Variants in SLC25A35 observed in about 807,000 individuals in gnomAD.
SLC25A35 encodes solute carrier family 25, member 35.
Under a neutral mutation model 30.5 loss-of-function variants are expected in SLC25A35, and 32 were observed. That is an observed-to-expected ratio of 1.05 (90% CI 0.79 to 1.41). SLC25A35 has a LOEUF of 1.41. Among genes scored for constraint, SLC25A35 ranks in the 40% most tolerant of loss-of-function variants. The probability of loss-of-function intolerance (pLI) is 0.00; values close to 1 mark genes in which losing one functional copy is unlikely to be tolerated. For synonymous variants in SLC25A35, 142 were observed against 158.1 expected (o/e 0.90, Z 0.77); for missense variants, 369 against 388.0 (o/e 0.95, Z 0.41).
chr17:8,292,441 T>A, intron 2 of SLC25A35, 82 bp downstream of exon 2: 1 of 1,360,272 alleles, frequency 7.4e-7, no homozygotes, highest in Non-Finnish European at 1.1e-6. Context: ...GTGGCTGGGA[T>A]TGGATCTGTT....
At position 8,292,549 on chromosome 17, in the gene SLC25A35, C is replaced by A; in HGVS notation, c.415G>T (p.Ala139Ser). Residue 139 changes from alanine (A) to serine (S), a missense_variant, in exon 2 of 5, where the codon GCT (alanine) becomes TCT (serine). Transcript: ENST00000577745. ...HLQAQAASEI[A>S]VGHQYKHQGM... The stretch of plus-strand genomic sequence containing the variant: ...TGATGCTTATACTGGTGCCCTACAG[C>A]AATTTCTGAGGCTGCCTGTGCCTGC... The A allele has an allele frequency of 6.2e-7, 1 of 1,614,060 alleles. No homozygotes were observed. Among genetic ancestry groups the A allele is most frequent in the Non-Finnish European group, 8.5e-7 (1 of 1,179,982 alleles).
chr17:8,290,667 G>A lies in SLC25A35; in HGVS notation c.741C>T (p.Tyr247=). 6.4e-7 allele frequency: 1 copy of A among 1,574,334 alleles called. No individual in the cohort carries two copies. Among genetic ancestry groups the A allele is most frequent in the Non-Finnish European group, 8.6e-7 (1 of 1,166,478 alleles). The change falls in exon 5 of 5, where the codon TAC becomes TAT. Residue 247 remains tyrosine, a synonymous_variant. Coordinates refer to ENST00000577745, the MANE Select transcript of SLC25A35 (RefSeq NM_001320870.2). The part of the protein sequence containing the change: ...PTDAQGKGLM[Y]RGILDALLQT... ...GCAGCAGAGCGTCCAGTATCCCCCG[G>A]TACATGAGGCCCTGAGAGTGTGTCA...
At chr17:8,292,667 A>G in intron 1 of SLC25A35, 79 bp from the exon 2 acceptor site, 2 of 1,243,462 alleles carry the variant, frequency 1.6e-6, no homozygotes, top group South Asian at 2.4e-5. Context: ...ACCCCCTCAC[A>G]CTTCCTCTAG....
In SLC25A35 at chr17:8,292,540, G is replaced by T. The variant is rs1199736674; in HGVS notation, c.424C>A (p.His142Asn). The T allele has an allele frequency of 5.0e-6, 8 of 1,614,066 alleles. No individual in the cohort carries two copies. The highest frequency in any genetic ancestry group is 6.8e-6 in the Non-Finnish European group (8 of 1,179,990). ...ACCCTCACCTGATGCTTATACTGGT[G>T]CCCTACAGCAATTTCTGAGGCTGCC... ...AQAASEIAVG[H>N]QYKHQGMFQA... The change falls in exon 2 of 5, where the codon CAC becomes AAC. Residue 142 changes from histidine to asparagine, a missense_variant. His to Asn is a moderately conservative substitution (Grantham distance 68). Coordinates refer to ENST00000577745, the MANE Select transcript of SLC25A35 (RefSeq NM_001320870.2).
chr17:8,290,106 G>C lies in SLC25A35; in HGVS notation c.*399C>G. ...TAATCAATATAATCTCTGTGCCTTT[G>C]AATCTAACAGGACACCTGGGTCCCA... On this transcript the variant is annotated 3_prime_UTR_variant, in exon 5 of 5. Transcript: ENST00000577745. 2 of 1,496,854 alleles carry C rather than the reference G, an allele frequency of 1.3e-6. No individual in the cohort carries two copies. Among genetic ancestry groups the C allele is most frequent in the Non-Finnish European group, 1.8e-6 (2 of 1,125,288 alleles). 92.7% of individuals were successfully genotyped at this position (1,496,854 alleles called of 1,614,324 possible).
At position 8,294,731 on chromosome 17, in the gene SLC25A35, C is replaced by T; in HGVS notation, c.77G>A (p.Arg26Lys). 1 of 1,614,086 alleles carries T rather than the reference C, an allele frequency of 6.2e-7. No individual in the cohort carries two copies. The highest frequency in any genetic ancestry group is 8.5e-7 in the Non-Finnish European group (1 of 1,179,968). ...CTGCAGTTCTCCTTGCAACTGCATC[C>T]TGGTCTTCACCACCTCCAGGGGATT... is the stretch of plus-strand genomic sequence containing the variant. ...FTNPLEVVKT[R>K]MQLQGELQAP... The change falls in exon 1 of 5, where the codon AGG becomes AAG. Residue 26 changes from arginine (R) to lysine (K), a missense_variant. Physicochemically the swap from Arg to Lys is conservative, Grantham distance 26. Coordinates refer to ENST00000577745, the MANE Select transcript of SLC25A35 (RefSeq NM_001320870.2).
chr17:8,294,431 A>C lies in SLC25A35; in HGVS notation c.375+2T>G. On this transcript the variant is annotated splice_donor_variant, in intron 1 of 4. Coordinates refer to ENST00000577745, the MANE Select transcript of SLC25A35 (RefSeq NM_001320870.2). LOFTEE classifies it high-confidence loss of function. Reference sequence around the variant, plus strand: ...GGTCCCAGGCAAGAGCCCTCTTCTTACCATGTAGATGGGGCTCCCCAAGTA... The same window carrying C: ...GGTCCCAGGCAAGAGCCCTCTTCTTCCCATGTAGATGGGGCTCCCCAAGTA... The C allele has an allele frequency of 6.4e-7, 1 of 1,567,352 alleles. No homozygotes were observed. Among genetic ancestry groups the C allele is most frequent in the East Asian group, 2.3e-5 (1 of 44,422 alleles).
At chr17:8,289,368 C>T (rs1443679616), downstream of SLC25A35, 25 of 1,614,152 alleles carry the variant, frequency 1.5e-5, no homozygotes, top group Non-Finnish European at 2.1e-5. Flanking sequence ...TGTCAAGAAG[C>T]CTGGGTCCTC....
intron 3 of SLC25A35, 115 bp downstream of exon 3, chr17:8,291,218 C>A: frequency 6.7e-7 from 1 of 1,485,716 alleles, no homozygotes; most frequent in Non-Finnish European, 9.2e-7. Flanking sequence ...CCTCCAAGCC[C>A]TCCTGCCACT....
chr17:8,292,499 T>A (rs1425463061), intron 2 of SLC25A35, 24 bp downstream of exon 2: 3 of 1,612,812 alleles, frequency 1.9e-6, no homozygotes, highest in South Asian at 1.1e-5. Context: ...GGTCAGGGAC[T>A]TTGGCAGACT....
intron 1 of SLC25A35, 99 bp downstream of exon 1, chr17:8,294,334 T>TG (rs1990717027): frequency 7.6e-7 from 1 of 1,311,246 alleles, no homozygotes; most frequent in African/African-American, 1.5e-5. Flanking sequence ...CTGCTTGCAG[T>TG]GGGGCAGCAC....
chr17:8,294,703 G>C lies in SLC25A35; in HGVS notation c.105C>G (p.Ala35=), dbSNP rs776114681. ...GGTAGTGCCGCTGGTATGTGCCAGG[G>C]GCCTGCAGTTCTCCTTGCAACTGCA... ...TRMQLQGELQ[A]PGTYQRHYRN... The change falls in exon 1 of 5, where the codon GCC becomes GCG. Residue 35 remains alanine, a synonymous_variant. Transcript: ENST00000577745. 39 of 1,614,060 alleles carry C rather than the reference G, an allele frequency of 2.4e-5. No individual in the cohort carries two copies. Among genetic ancestry groups the C allele is most frequent in the Middle Eastern group, 1.6e-4 (1 of 6,084 alleles).
chr17:8,289,469 A>T (rs779406307), downstream of SLC25A35: 1 of 1,614,120 alleles, frequency 6.2e-7, no homozygotes, highest in East Asian at 2.2e-5. Flanking sequence ...GGACGCAGAG[A>T]TCCAGGTAAG....
At chr17:8,288,617 T>C (rs1324730815), downstream of SLC25A35, 4 of 760,780 alleles carry the variant, frequency 5.3e-6, no homozygotes, top group East Asian at 1.1e-4. Flanking sequence ...CCCAGGGTCT[T>C]GGCGCCGATT....
chr17:8,290,894 A>G lies in SLC25A35; in HGVS notation c.677T>C (p.Phe226Ser). 6.2e-7 allele frequency: 1 copy of G among 1,614,080 alleles called. No homozygotes were observed. The highest frequency in any genetic ancestry group is 8.5e-7 in the Non-Finnish European group (1 of 1,179,992). Residue 226 changes from phenylalanine (F) to serine (S), a missense_variant, in exon 4 of 5, where the codon TTT (phenylalanine) becomes TCT (serine). By Grantham distance (155) the Phe-to-Ser change is radical. Transcript: ENST00000577745. ...GTAGAGCCTTGTGCAGGCCACATCA[A>G]AGGGTGCCATGGCCAAGACAACTGC... ...GIAVVLAMAP[F>S]DVACTRLYNQ...
downstream of SLC25A35, chr17:8,289,043 G>A (rs767491025): frequency 1.2e-6 from 2 of 1,613,972 alleles, no homozygotes; most frequent in Non-Finnish European, 1.7e-6. Flanking sequence ...TCGAGCTGCA[G>A]GCCCACGTAC....
chr17:8,289,584 C>A, downstream of SLC25A35: 2 of 1,612,418 alleles, frequency 1.2e-6, no homozygotes, highest in Non-Finnish European at 8.5e-7. Flanking sequence ...CTTCAATCAG[C>A]CCCCGTAAGG....
Position 8,290,972 on chromosome 17 carries a change from A to G in SLC25A35, c.599T>C (p.Phe200Ser). 1 of 1,614,036 alleles carries G rather than the reference A, an allele frequency of 6.2e-7. No individual in the cohort carries two copies. The highest frequency in any genetic ancestry group is 8.5e-7 in the Non-Finnish European group (1 of 1,179,972). Residue 200 changes from phenylalanine (F) to serine (S), a missense_variant, in exon 4 of 5, where the codon TTT becomes TCT. Coordinates refer to ENST00000577745, the MANE Select transcript of SLC25A35 (RefSeq NM_001320870.2). Reference sequence around the variant, plus strand: ...CGCCAACTTCCAGCTCTGGGGAGGAAAGATCTAAGGGGGTAGAGAGGAAGA... The same window carrying G: ...CGCCAACTTCCAGCTCTGGGGAGGAGAGATCTAAGGGGGTAGAGAGGAAGA... ...TKDLLSQWEI[F>S]PPQSWKLALV...
chr17:8,292,307 C>T (rs1384114379), intron 2 of SLC25A35, among the ~76,000 whole-genome samples: 1 of 152,130 alleles, frequency 6.6e-6, no homozygotes, highest in East Asian at 1.9e-4. Context: ...TGCAGTGAGC[C>T]GAGATCGTGC....
Sources: allele counts gnomAD v4.1 joint callset (sites outside exome capture counted in the v4.1 genomes callset), GRCh38; gene constraint gnomAD v4.1.1; transcripts MANE v1.5; gene names NCBI Gene and HGNC (gene_info 2026-07-23, HGNC 2026-07-21).